SRSF4: variants seen among roughly 807,000 people sequenced by gnomAD.
The protein encoded by SRSF4 is serine/arginine-rich splicing factor 4.
SRSF4 carries 12 observed loss-of-function variants against 48.8 expected under a neutral mutation model. That is an observed-to-expected ratio of 0.25 (90% CI 0.16 to 0.40). The LOEUF is 0.40. Among genes scored for constraint, SRSF4 ranks in the 10% least tolerant of loss-of-function variants. The pLI is 1.00. For synonymous variants in SRSF4, 248 were observed against 232.5 expected (o/e 1.07, Z -0.61); for missense variants, 466 against 667.1 (o/e 0.70, Z 3.32).
chr1:29,160,193 TTTAA>T (rs1454201138), intron 2 of SRSF4, 178 bp downstream of exon 2: 30 of 639,242 alleles, frequency 4.7e-5, no homozygotes, highest in East Asian at 6.5e-5. Context: ...TTGTCATTAG[TTTAA>T]TTAAAATTAA....
chr1:29,177,725 C>A (rs76091933), intron 1 of SRSF4, among the ~76,000 whole-genome samples: 72 of 152,158 alleles, frequency 4.7e-4, no homozygotes, highest in Admixed American at 9.2e-4. Context: ...AGAACAGTGG[C>A]AATCTACATT....
intron 2 of SRSF4, 49 bp from the exon 3 acceptor site, chr1:29,159,535 A>G: frequency 7.2e-7 from 1 of 1,380,086 alleles, no homozygotes; most frequent in Non-Finnish European, 1.0e-6. Context: ...AGAAAAGGAA[A>G]AAAAATGACA....
At chr1:29,155,772 C>A in intron 3 of SRSF4, among the ~76,000 whole-genome samples, 1 of 152,180 alleles carries the variant, frequency 6.6e-6, no homozygotes, top group Non-Finnish European at 1.5e-5. Context: ...GGATTATAGG[C>A]ATGGGTCACT....
chr1:29,169,933 A>G (rs1250718790), intron 1 of SRSF4: 2 of 152,220 alleles, frequency 1.3e-5, no homozygotes, highest in African/African-American at 4.8e-5. Context: ...CCTATTTGCC[A>G]ACTTTGTTTT....
At chr1:29,149,404 G>T in intron 5 of SRSF4, among the ~76,000 whole-genome samples, 178 bp from the exon 6 acceptor site, 1 of 152,192 alleles carries the variant, frequency 6.6e-6, no homozygotes, top group African/African-American at 2.4e-5. Context: ...AAACTGGCCA[G>T]GTGCGGCGGC....
chr1:29,179,736 C>A (rs1672925688), intron 1 of SRSF4, among the ~76,000 whole-genome samples: 1 of 152,176 alleles, frequency 6.6e-6, no homozygotes, highest in African/African-American at 2.4e-5. Flanking sequence ...TCAAGCAAAT[C>A]ATTCCAAGTT....
chr1:29,157,053 G>A (rs1396065581), intron 3 of SRSF4, among the ~76,000 whole-genome samples: 3 of 152,154 alleles, frequency 2.0e-5, no homozygotes, highest in African/African-American at 4.8e-5. Flanking sequence ...TTAACTTATC[G>A]GAGAGTAGCT....
chr1:29,152,918 G>T (rs72649256), intron 4 of SRSF4, among the ~76,000 whole-genome samples: 3,426 of 90,310 alleles, frequency 0.038, 51 homozygotes, highest in Non-Finnish European at 0.077. Context: ...AAGAAACTCC[G>T]TCTCAAAAAA....
chr1:29,174,277 T>C (rs1254315048), intron 1 of SRSF4, among the ~76,000 whole-genome samples: 1 of 151,914 alleles, frequency 6.6e-6, no homozygotes, highest in East Asian at 1.9e-4. Flanking sequence ...TACCGAGTAA[T>C]GGAATAGCTA....
In SRSF4 at chr1:29,148,506, C is replaced by G. The variant is rs1050412857; in HGVS notation, c.1389G>C (p.Lys463Asn). 1 of 1,613,944 alleles carries G rather than the reference C, an allele frequency of 6.2e-7. No homozygotes were observed. The highest frequency in any genetic ancestry group is 2.2e-5 in the East Asian group (1 of 44,876). Residue 463 changes from lysine (K) to asparagine (N), a missense_variant, in exon 6 of 6, where the codon AAG (lysine) becomes AAC (asparagine). Lys to Asn is a moderately conservative substitution (Grantham distance 94). Coordinates refer to ENST00000373795, the MANE Select transcript of SRSF4 (RefSeq NM_005626.5). ...ACCGAGATCGGGTTTTTGAAGCTGA[C>G]TTTGATCTGGAGCGTGATTCTGATG... ...NLPSESRSRSKSASKTRSRSK... is the reference protein window; with the variant it reads ...NLPSESRSRSNSASKTRSRSK...
intron 5 of SRSF4, among the ~76,000 whole-genome samples, chr1:29,149,682 A>AG (rs71806205): frequency 3.3e-5 from 3 of 90,864 alleles, no homozygotes; most frequent in African/African-American, 1.2e-4. Flanking sequence ...CTCTGTCTTG[A>AG]GGGGGGAAAA....
At chr1:29,161,632 G>A (rs1442847954) in intron 1 of SRSF4, among the ~76,000 whole-genome samples, 1 of 152,150 alleles carries the variant, frequency 6.6e-6, no homozygotes, top group African/African-American at 2.4e-5. Flanking sequence ...ACAGAGTCTC[G>A]CTGTCGCCCA....
chr1:29,177,510 G>A (rs1203348767), intron 1 of SRSF4, among the ~76,000 whole-genome samples: 1 of 152,160 alleles, frequency 6.6e-6, no homozygotes, highest in East Asian at 1.9e-4. Context: ...TTGAACTTAT[G>A]ACCTTGGGTG....
At chr1:29,153,585 T>G (rs1008208010) in intron 4 of SRSF4, among the ~76,000 whole-genome samples, 2 of 151,252 alleles carry the variant, frequency 1.3e-5, no homozygotes, top group Non-Finnish European at 2.9e-5. Context: ...ATGTGAAAGG[T>G]GGCCTCTGAT....
intron 1 of SRSF4, among the ~76,000 whole-genome samples, chr1:29,178,759 T>C (rs1396865758): frequency 6.6e-6 from 1 of 152,226 alleles, no homozygotes; most frequent in Non-Finnish European, 1.5e-5. Context: ...CGTAGCTAAG[T>C]TATGCTTTTT....
At chr1:29,179,128 C>G (rs1306867466) in intron 1 of SRSF4, among the ~76,000 whole-genome samples, 3 of 152,244 alleles carry the variant, frequency 2.0e-5, no homozygotes, top group South Asian at 4.1e-4. Context: ...CTCACTTCTT[C>G]CTTCCAGAGC....
rs765221021 is a variant in SRSF4, at chr1:29,150,241, T to C, written c.579-49A>G. On this transcript the variant is annotated intron_variant, in intron 4 of 5. Coordinates refer to ENST00000373795, the MANE Select transcript of SRSF4 (RefSeq NM_005626.5). ...ATACTTGCTGACAAGAGGCTGCTGA[T>C]GAGCATCAATCAAGACTATATATAT... is the stretch of plus-strand genomic sequence containing the variant. The C allele has an allele frequency of 4.6e-6, 6 of 1,307,038 alleles. No individual in the cohort carries two copies. The Admixed American group carries it at 8.4e-5, about 18-fold the overall frequency. 81.0% of individuals were successfully genotyped at this position (1,307,038 alleles called of 1,614,324 possible).
At chr1:29,177,889 C>G (rs549906339) in intron 1 of SRSF4, among the ~76,000 whole-genome samples, 2 of 140,158 alleles carry the variant, frequency 1.4e-5, no homozygotes, top group African/African-American at 2.7e-5. Flanking sequence ...TCCTATTACA[C>G]AAGATTTTTT....
rs776153296 is a variant in SRSF4, at chr1:29,160,324, CATG to C, written c.250+48_250+50del. On this transcript the variant is annotated intron_variant, in intron 2 of 5. Coordinates refer to ENST00000373795, the MANE Select transcript of SRSF4 (RefSeq NM_005626.5). ...ATCAATTAATTACTTTAAAAATTAG[CATG>C]ATAACAAAAGCACGTTACTGATAAA... 2.0e-5 allele frequency: 30 copies of C among 1,527,332 alleles called. No homozygotes were observed. The Admixed American group carries it at 2.7e-4, about 14-fold the overall frequency. The allele number at this position is 1,527,332 out of a possible 1,614,324, so 94.6% of individuals were successfully genotyped here. A position where few individuals can be genotyped will look rare whatever the true frequency, so the allele number is the denominator to read the frequency against.
Sources: allele counts gnomAD v4.1 joint callset (sites outside exome capture counted in the v4.1 genomes callset), GRCh38; gene constraint gnomAD v4.1.1; transcripts MANE v1.5; gene names NCBI Gene and HGNC (gene_info 2026-07-23, HGNC 2026-07-21).